Variants in ARID1B observed in about 807,000 individuals in gnomAD.
The protein encoded by ARID1B is AT-rich interactive domain-containing protein 1B.
In ARID1B, 30 loss-of-function variants were observed where a neutral mutation model predicts 212.3. That is an observed-to-expected ratio of 0.14 (90% confidence interval 0.11 to 0.19). ARID1B has a LOEUF of 0.19. ARID1B is among the 10% of genes least tolerant of loss of function. The pLI, the probability that ARID1B is intolerant of heterozygous loss-of-function variation, is 1.00. For missense variants in ARID1B, 2,891 were observed against 3,204.0 expected, an observed-to-expected ratio of 0.90 and a Z score of 2.36; for synonymous variants, 1,402 against 1,301.7, an observed-to-expected ratio of 1.08 and a Z score of -1.66.
intron 2 of ARID1B, among the ~76,000 whole-genome samples, chr6:156,899,624 C>T (rs1388911713): frequency 6.6e-6 from 1 of 152,180 alleles, no homozygotes; most frequent in African/African-American, 2.4e-5. Flanking sequence ...CCACACCCTG[C>T]AGCCAAACTT....
At chr6:157,097,674 G>A (rs1436763173) in intron 5 of ARID1B, among the ~76,000 whole-genome samples, 5 of 152,128 alleles carry the variant, frequency 3.3e-5, no homozygotes, top group Admixed American at 1.3e-4. Flanking sequence ...AAGTGCCTTG[G>A]CTTTAAAAAG....
intron 4 of ARID1B, chr6:156,939,243 G>A (rs1792485997): frequency 2.0e-5 from 3 of 152,090 alleles, no homozygotes; most frequent in African/African-American, 7.2e-5. Flanking sequence ...AATAAACCTA[G>A]CATTTAAGCT....
At chr6:156,977,601 T>C (rs954457558) in intron 4 of ARID1B, among the ~76,000 whole-genome samples, 24 of 152,210 alleles carry the variant, frequency 1.6e-4, no homozygotes, top group Admixed American at 1.3e-3. Flanking sequence ...AATTTAATAT[T>C]GTTGACTTTC....
At chr6:157,198,741 T>C (rs1476399321) in intron 16 of ARID1B, 70 bp from the exon 17 acceptor site, 2 of 1,338,848 alleles carry the variant, frequency 1.5e-6, no homozygotes, top group Non-Finnish European at 2.1e-6. Context: ...GTTCCAGAAA[T>C]GGATTGTTTA....
chr6:156,847,037 G>A (rs1201492523), intron 2 of ARID1B, among the ~76,000 whole-genome samples: 1 of 151,988 alleles, frequency 6.6e-6, no homozygotes, highest in Non-Finnish European at 1.5e-5. Context: ...TTGCCCTTGT[G>A]GTATTTGTTT....
At chr6:157,199,974 T>G (rs1285399781) in intron 17 of ARID1B, among the ~76,000 whole-genome samples, 1 of 152,144 alleles carries the variant, frequency 6.6e-6, no homozygotes, top group Non-Finnish European at 1.5e-5. Context: ...GCCAGTGAAT[T>G]GCATTATTAA....
chr6:157,048,192 A>G (rs1364930548), intron 4 of ARID1B, among the ~76,000 whole-genome samples: 2 of 152,222 alleles, frequency 1.3e-5, no homozygotes, highest in Non-Finnish European at 2.9e-5. Flanking sequence ...TGAAAGAGCC[A>G]ATATGTTGGA....
intron 4 of ARID1B, among the ~76,000 whole-genome samples, chr6:157,048,446 G>A (rs138176820): frequency 1.4e-3 from 219 of 152,310 alleles, no homozygotes; most frequent in Middle Eastern, 3.4e-3. Flanking sequence ...CAGAGCTCTG[G>A]AAGTGATAAT....
chr6:156,975,695 A>G (rs541417267), intron 4 of ARID1B, among the ~76,000 whole-genome samples: 1 of 108,802 alleles, frequency 9.2e-6, no homozygotes, highest in African/African-American at 3.6e-5. Flanking sequence ...AAGTCTTTTT[A>G]ATTTTATTGT....
intron 2 of ARID1B, among the ~76,000 whole-genome samples, chr6:156,846,562 T>C (rs1422041705): frequency 6.6e-6 from 1 of 152,068 alleles, no homozygotes; most frequent in Admixed American, 6.5e-5. Context: ...TGGACGGGGC[T>C]GCGGTGGTGG....
chr6:156,869,299 T>C (rs527912617), intron 2 of ARID1B, among the ~76,000 whole-genome samples: 1 of 152,214 alleles, frequency 6.6e-6, no homozygotes, highest in East Asian at 1.9e-4. Flanking sequence ...TCATAGGTCA[T>C]CGTGTTTTTT....
chr6:156,851,606 C>T (rs1031264860), intron 2 of ARID1B, among the ~76,000 whole-genome samples: 2 of 152,188 alleles, frequency 1.3e-5, no homozygotes, highest in Non-Finnish European at 2.9e-5. Flanking sequence ...TGTAGGGTGT[C>T]AGGAGTGGGT....
At chr6:156,824,143 C>T (rs1480323695) in intron 1 of ARID1B, among the ~76,000 whole-genome samples, 1 of 152,038 alleles carries the variant, frequency 6.6e-6, no homozygotes, top group Non-Finnish European at 1.5e-5. Context: ...CATGTACATC[C>T]AAAAGTTTAC....
chr6:157,108,412 C>T (rs1412962133), intron 5 of ARID1B, among the ~76,000 whole-genome samples: 1 of 152,202 alleles, frequency 6.6e-6, no homozygotes, highest in African/African-American at 2.4e-5. Context: ...TTTGTTTTTA[C>T]TGTCATGAGT....
intron 2 of ARID1B, among the ~76,000 whole-genome samples, chr6:156,877,456 C>T (rs1198433617): frequency 1.3e-5 from 2 of 152,182 alleles, no homozygotes; most frequent in African/African-American, 2.4e-5. Context: ...TCTCTTTCTC[C>T]GTGCTTCTTC....
At position 156,906,546 on chromosome 6, in the gene ARID1B, CAAAAAAAAAAAAAA is replaced by C. The variant is rs55660810; in HGVS notation, c.2136+5037_2136+5050del. On this transcript the variant is annotated intron_variant, in intron 3 of 19. Transcript: ENST00000636930. ...GGCAACAAGAGCGAAACTCCATCTC[CAAAAAAAAAAAAAA>C]AAAAAAAAAAAAAAAGCACCAGCCA... is the stretch of plus-strand genomic sequence containing the variant. 6.8e-4 allele frequency among the ~76,000 whole-genome samples: 27 copies of C among 39,684 alleles called. No homozygotes were observed. The South Asian group carries it at 7.4e-3, about 11-fold the overall frequency. 26.0% of individuals were successfully genotyped at this position (39,684 alleles called of 152,430 possible). A position where few individuals can be genotyped will look rare whatever the true frequency, so the allele number is the denominator to read the frequency against.
intron 4 of ARID1B, among the ~76,000 whole-genome samples, chr6:156,983,800 T>C (rs1777764467): frequency 6.6e-6 from 1 of 152,096 alleles, no homozygotes; most frequent in African/African-American, 2.4e-5. Flanking sequence ...CTTTACAAAC[T>C]CTTGATTTAA....
chr6:157,199,812 C>T (rs539666926), intron 17 of ARID1B, among the ~76,000 whole-genome samples: 3 of 151,772 alleles, frequency 2.0e-5, no homozygotes, highest in East Asian at 1.9e-4. Context: ...TACAGGCACC[C>T]GCCACCATGC....
chr6:157,138,236 G>T (rs1302910828), intron 7 of ARID1B, among the ~76,000 whole-genome samples: 4 of 151,840 alleles, frequency 2.6e-5, no homozygotes, highest in African/African-American at 9.7e-5. Flanking sequence ...TGGTTGGTTG[G>T]TTGGTTAGTT....
Sources: gnomAD v4.1 joint callset for allele counts (sites outside exome capture counted in the v4.1 genomes callset) on GRCh38, gnomAD v4.1.1 for gene constraint, MANE v1.5 for transcripts, NCBI Gene and HGNC (gene_info 2026-07-23, HGNC 2026-07-21) for gene names.